Variants in CR2 observed in about 807,000 individuals in gnomAD.
CR2 encodes the protein complement C3d receptor 2, also known as complement receptor type 2.
A neutral mutation model predicts 123.0 loss-of-function variants in CR2; 96 were observed. The observed-to-expected ratio is 0.78, with a 90% CI of 0.66 to 0.93. The LOEUF is 0.93. Among genes scored for constraint, CR2 ranks in the 40% least tolerant of loss-of-function variants. CR2 has a pLI of 0.00. For missense variants in CR2, 1,258 were observed against 1,361.0 expected, an observed-to-expected ratio of 0.92 and a Z score of 1.19; for synonymous variants, 484 against 469.5, an observed-to-expected ratio of 1.03 and a Z score of -0.40.
At position 207,485,584 on chromosome 1, in the gene CR2, A is replaced by C; in HGVS notation, c.*18+12A>C. 2 of 1,388,862 alleles carry C rather than the reference A, an allele frequency of 1.4e-6. No individual in the cohort carries two copies. The highest frequency in any genetic ancestry group is 2.1e-6 in the Non-Finnish European group (2 of 975,028). The allele number at this position is 1,388,862 out of a possible 1,614,324, so 86.0% of individuals were successfully genotyped here. On this transcript the variant is annotated intron_variant, in intron 19 of 19. Transcript: ENST00000367057. ...AAGACAAACTGGTGGTATGTAATGA[A>C]ATGGAATATTATTAATTTACATATA...
At chr1:207,476,694 T>C (rs1658452884) in intron 15 of CR2, among the ~76,000 whole-genome samples, 1 of 152,252 alleles carries the variant, frequency 6.6e-6, no homozygotes, top group Admixed American at 6.5e-5. Flanking sequence ...GCACAGATTG[T>C]ATTTACACAC....
intron 16 of CR2, 82 bp from the exon 17 acceptor site, chr1:207,479,175 G>A: frequency 9.1e-7 from 1 of 1,096,310 alleles, no homozygotes; most frequent in African/African-American, 1.5e-5. Context: ...TTGATTTCTG[G>A]GACATTACCA....
rs769891017 is a variant in CR2, at chr1:207,473,181, T to C, written c.1978+2T>C. 4 of 1,613,574 alleles carry C rather than the reference T, an allele frequency of 2.5e-6. No homozygotes were observed. The East Asian group carries it at 8.9e-5, about 36-fold the overall frequency. On this transcript the variant is annotated splice_donor_variant, in intron 10 of 19. Transcript: ENST00000367057. LOFTEE classifies it high-confidence loss of function. Reference sequence around the variant, plus strand: ...CTGAAATACCAGTTTGTGAAAAAGGTAAAAACCCAATAAGGGGGAAAAAAG... The same window carrying C: ...CTGAAATACCAGTTTGTGAAAAAGGCAAAAACCCAATAAGGGGGAAAAAAG...
chr1:207,454,823 G>C lies in CR2; in HGVS notation c.58+347G>C. The C allele has an allele frequency of 3.8e-6, 1 of 263,970 alleles. No individual in the cohort carries two copies. Among genetic ancestry groups the C allele is most frequent in the Non-Finnish European group, 7.2e-6 (1 of 137,964 alleles). The allele number at this position is 263,970 out of a possible 1,614,324, so 16.4% of individuals were successfully genotyped here. A position where few individuals can be genotyped will look rare whatever the true frequency, so the allele number is the denominator to read the frequency against. ...CATCGCTCTCTGGCCGGCGGTCAGC[G>C]CTACCGCTCGCCACGGGAAACCTAC... On this transcript the variant is annotated intron_variant, in intron 1 of 19. Coordinates refer to ENST00000367057, the MANE Select transcript of CR2 (RefSeq NM_001006658.3). This position sits in a 1 kb window ranked among gnomAD's most constrained non-coding sequence, Gnocchi z 4.3.
In CR2 at chr1:207,466,516, T is replaced by A; in HGVS notation, c.59-10T>A. 6.2e-7 allele frequency: 1 copy of A among 1,614,080 alleles called. No individual in the cohort carries two copies. The highest frequency in any genetic ancestry group is 8.5e-7 in the Non-Finnish European group (1 of 1,179,942). On this transcript the variant is annotated splice_polypyrimidine_tract_variant and intron_variant, in intron 1 of 19. Coordinates refer to ENST00000367057, the MANE Select transcript of CR2 (RefSeq NM_001006658.3). Reference sequence around the variant, plus strand: ...CAGTATGCCTACCAAGTTCCTTTTCTACTTTTCAGGGATTTCTTGTGGCTC... The same window carrying A: ...CAGTATGCCTACCAAGTTCCTTTTCAACTTTTCAGGGATTTCTTGTGGCTC...
At chr1:207,458,241 A>T (rs900352489) in intron 1 of CR2, among the ~76,000 whole-genome samples, 6 of 151,378 alleles carry the variant, frequency 4.0e-5, no homozygotes, top group African/African-American at 1.5e-4. Flanking sequence ...TTCTATTTCT[A>T]AAATATATCC....
At chr1:207,474,175 T>A in intron 12 of CR2, 66 bp from the exon 13 acceptor site, 1 of 1,301,000 alleles carries the variant, frequency 7.7e-7, no homozygotes, top group South Asian at 1.2e-5. Flanking sequence ...AAGTCCCTTT[T>A]TGCATGCAGT....
At chr1:207,485,884 C>T (rs971513483) in intron 19 of CR2, among the ~76,000 whole-genome samples, 31 of 151,906 alleles carry the variant, frequency 2.0e-4, no homozygotes, top group African/African-American at 7.3e-4. Context: ...ACAGGGTGGT[C>T]GCAAGGGAAG....
intron 17 of CR2, 114 bp downstream of exon 17, chr1:207,479,394 CT>C: frequency 1.3e-6 from 1 of 761,754 alleles, no homozygotes; most frequent in Non-Finnish European, 2.2e-6. Flanking sequence ...GGAATGTTCT[CT>C]TTTTGGTGTT....
In CR2 at chr1:207,472,884, A is replaced by G. The variant is rs1658322301; in HGVS notation, c.1683A>G (p.Glu561=). The part of the protein sequence containing the change: ...TVTYTCNPGP[E]RGVEFSLIGE... ...CTTACACATGTAACCCTGGGCCAGA[A>G]AGAGGAGTGGAATTCAGCCTCATTG... Residue 561 remains glutamate (E), a synonymous_variant, in exon 10 of 20, where the codon GAA becomes GAG. Coordinates refer to ENST00000367057, the MANE Select transcript of CR2 (RefSeq NM_001006658.3). The G allele has an allele frequency of 2.5e-6, 4 of 1,614,086 alleles. No individual in the cohort carries two copies. The East Asian group carries it at 8.9e-5, about 36-fold the overall frequency.
In CR2 at chr1:207,470,002, G is replaced by A. The variant is rs1225073961; in HGVS notation, c.1125G>A (p.Val375=). 1 of 1,613,960 alleles carries A rather than the reference G, an allele frequency of 6.2e-7. No individual in the cohort carries two copies. The highest frequency in any genetic ancestry group is 8.5e-7 in the Non-Finnish European group (1 of 1,179,920). Residue 375 remains valine (V), a synonymous_variant, in exon 6 of 20, where the codon GTG becomes GTA. Coordinates refer to ENST00000367057, the MANE Select transcript of CR2 (RefSeq NM_001006658.3). ...ATCGATATACCTATAACGACACTGT[G>A]ATATTTGCTTGCATGTTTGGCTTCA... The part of the protein sequence containing the change: ...QKDRYTYNDT[V]IFACMFGFTL...
At chr1:207,473,246 C>A in intron 10 of CR2, 67 bp downstream of exon 10, 1 of 1,568,084 alleles carries the variant, frequency 6.4e-7, no homozygotes, top group Non-Finnish European at 8.7e-7. Context: ...TATCTCCCAC[C>A]CAAAACTGCA....
intron 9 of CR2, 141 bp from the exon 10 acceptor site, chr1:207,472,631 C>A: frequency 2.5e-6 from 2 of 790,556 alleles, no homozygotes; most frequent in East Asian, 2.6e-5. Flanking sequence ...ACTTAATGAG[C>A]TTTCACACAA....
Position 207,454,483 on chromosome 1 carries a change from T to TG in CR2, c.58+10dup, listed in dbSNP as rs1346227931. On this transcript the variant is annotated splice_region_variant and intron_variant, in intron 1 of 19. Transcript: ENST00000367057. The surrounding 1 kb of genome is among the most constrained non-coding windows in gnomAD (Gnocchi z 4.3). ...GTCGCACCGGGGGTCCTCGGTGAGC[T>TG]GGGAGGGGGAGCACGGAGGTGGGGA... is the stretch of plus-strand genomic sequence containing the variant. 6.5e-7 allele frequency: 1 copy of TG among 1,550,184 alleles called. No individual in the cohort carries two copies. Among genetic ancestry groups the TG allele is most frequent in the Non-Finnish European group, 8.7e-7 (1 of 1,151,796 alleles).
intron 1 of CR2, among the ~76,000 whole-genome samples, chr1:207,458,250 C>T (rs182140657): frequency 6.7e-6 from 1 of 149,756 alleles, no homozygotes; most frequent in Non-Finnish European, 1.5e-5. Flanking sequence ...TAAAATATAT[C>T]CACTGCTCAA....
intron 16 of CR2, among the ~76,000 whole-genome samples, chr1:207,478,805 C>T (rs1658519531): frequency 6.6e-6 from 1 of 151,826 alleles, no homozygotes; most frequent in African/African-American, 2.4e-5. Flanking sequence ...TTAATATTTG[C>T]ATTCTAACCT....
At chr1:207,478,110 A>G (rs776044998) in intron 16 of CR2, 40 bp downstream of exon 16, 8 of 1,595,976 alleles carry the variant, frequency 5.0e-6, no homozygotes, top group Non-Finnish European at 6.8e-6. Context: ...TAACTGGCTA[A>G]CGGAGAGAAG....
chr1:207,471,150 T>G, intron 8 of CR2, 63 bp downstream of exon 8: 1 of 1,487,574 alleles, frequency 6.7e-7, no homozygotes, highest in Non-Finnish European at 9.4e-7. Flanking sequence ...GCAGGCTCTA[T>G]GTAAGAGTTT....
At chr1:207,479,224 A>T (rs1178919079) in intron 16 of CR2, 33 bp from the exon 17 acceptor site, 1 of 1,545,100 alleles carries the variant, frequency 6.5e-7, no homozygotes, top group Non-Finnish European at 8.9e-7. Flanking sequence ...CACTATACTG[A>T]TAATCATTTT....
Sources: gnomAD v4.1 joint callset for allele counts (sites outside exome capture counted in the v4.1 genomes callset) on GRCh38, gnomAD v4.1.1 for gene constraint, Gnocchi (gnomAD v3.1) non-coding constraint, MANE v1.5 for transcripts, NCBI Gene and HGNC (gene_info 2026-07-23, HGNC 2026-07-21) for gene names.